Variants in GALNTL6 observed in about 807,000 individuals in gnomAD.
GALNTL6 encodes polypeptide N-acetylgalactosaminyltransferase like 6.
A neutral mutation model predicts 73.7 loss-of-function variants in GALNTL6; 46 were observed. The observed-to-expected ratio is 0.62, with a 90% CI of 0.49 to 0.80. The LOEUF (loss-of-function observed/expected upper bound fraction) is 0.80, where lower values mean the gene tolerates loss of function less well. Among genes scored for constraint, GALNTL6 ranks in the 30% least tolerant of loss-of-function variants. GALNTL6 has a pLI of 0.00. For synonymous variants in GALNTL6, 259 were observed against 263.7 expected (o/e 0.98, Z 0.17); for missense variants, 604 against 755.0 (o/e 0.80, Z 2.34).
intron 2 of GALNTL6, among the ~76,000 whole-genome samples, chr4:172,126,081 T>G (rs1579162900): frequency 1.3e-5 from 2 of 152,168 alleles, no homozygotes; most frequent in South Asian, 4.1e-4. Context: ...AATTTTGCAC[T>G]GTGTCACTTA....
chr4:172,017,310 G>A (rs1388458795), intron 2 of GALNTL6, among the ~76,000 whole-genome samples: 4 of 152,112 alleles, frequency 2.6e-5, no homozygotes, highest in African/African-American at 9.7e-5. Flanking sequence ...GATCAGACAG[G>A]CACTTCTTTT....
At chr4:172,737,068 T>C (rs891601062) in intron 5 of GALNTL6, among the ~76,000 whole-genome samples, 1 of 152,176 alleles carries the variant, frequency 6.6e-6, no homozygotes, top group East Asian at 1.9e-4. Flanking sequence ...ATTATCAGTA[T>C]AAAAAAGGAC....
intron 12 of GALNTL6, among the ~76,000 whole-genome samples, chr4:173,023,491 G>A (rs905347616): frequency 1.3e-5 from 2 of 151,922 alleles, no homozygotes; most frequent in South Asian, 2.1e-4. Flanking sequence ...ACCCCATCTG[G>A]ACTAAAAAAT....
intron 5 of GALNTL6, among the ~76,000 whole-genome samples, chr4:172,440,267 A>G (rs1289587243): frequency 3.9e-5 from 6 of 152,084 alleles, no homozygotes. Flanking sequence ...TGGATAAACT[A>G]TGGTACATCC....
chr4:172,701,263 A>G (rs529398684), intron 5 of GALNTL6, among the ~76,000 whole-genome samples: 181 of 152,256 alleles, frequency 1.2e-3, no homozygotes, highest in Non-Finnish European at 2.1e-3. Flanking sequence ...AGATATTTAC[A>G]TATCTATGAA....
intron 4 of GALNTL6, among the ~76,000 whole-genome samples, chr4:172,320,255 C>A (rs1351432120): frequency 6.6e-6 from 1 of 152,036 alleles, no homozygotes; most frequent in African/African-American, 2.4e-5. Flanking sequence ...GTGAGTGATG[C>A]AAGCAGAGAG....
intron 10 of GALNTL6, among the ~76,000 whole-genome samples, chr4:172,986,747 G>A (rs1751306681): frequency 6.6e-6 from 1 of 152,176 alleles, no homozygotes; most frequent in African/African-American, 2.4e-5. Context: ...AAAGGTTAAT[G>A]TTAGGCACAA....
At chr4:172,349,830 A>ATAT (rs112952872) in intron 5 of GALNTL6, among the ~76,000 whole-genome samples, 93 of 99,534 alleles carry the variant, frequency 9.3e-4, no homozygotes, top group Admixed American at 7.4e-3. Context: ...ATTAAAAAAA[A>ATAT]ATATATATAT....
At chr4:172,574,276 G>A (rs1362011094) in intron 5 of GALNTL6, among the ~76,000 whole-genome samples, 1 of 152,018 alleles carries the variant, frequency 6.6e-6, no homozygotes, top group East Asian at 1.9e-4. Context: ...AATGTATTTT[G>A]TAAATGTAGT....
At position 172,500,037 on chromosome 4, in the gene GALNTL6, G is replaced by A. The variant is rs139437357; in HGVS notation, c.553+151348G>A. Among the ~76,000 whole-genome samples the A allele has an allele frequency of 3.7e-4, 56 of 151,988 alleles. 3 individuals carry two copies. In the East Asian group the frequency reaches 0.011, roughly 29 times the overall value. On this transcript the variant is annotated intron_variant, in intron 5 of 12. Coordinates refer to ENST00000506823, the MANE Select transcript of GALNTL6 (RefSeq NM_001034845.3). ...AAAATAGCTGAAAAATTTATAAATG[G>A]GTCAAAATATATAAACTTACAGGAA...
chr4:173,000,418 A>C (rs1162499868), intron 10 of GALNTL6, among the ~76,000 whole-genome samples: 2 of 152,224 alleles, frequency 1.3e-5, no homozygotes, highest in African/African-American at 4.8e-5. Context: ...ATATCTAAAT[A>C]AATGGAAAAA....
In GALNTL6 at chr4:172,895,289, C is replaced by CTGTG. The variant is rs768141556; in HGVS notation, c.1041+12383_1041+12384insGTGT. On this transcript the variant is annotated intron_variant, in intron 8 of 12. Transcript: ENST00000506823. ...TTTTCCCTTCTTCCATTTTTCCTGTCTTTGTGGTTAAGTGATTTGCTCTGA... is the reference window on the plus strand; with the variant it reads ...TTTTCCCTTCTTCCATTTTTCCTGTCTGTGTTTGTGGTTAAGTGATTTGCTCTGA... Among the ~76,000 whole-genome samples the CTGTG allele has an allele frequency of 1.6e-3, 245 of 149,566 alleles. 1 individual carries two copies. Among genetic ancestry groups the CTGTG allele is most frequent in the Non-Finnish European group, 2.8e-3 (189 of 67,210 alleles).
chr4:172,424,306 T>G (rs1278175069), intron 5 of GALNTL6, among the ~76,000 whole-genome samples: 1 of 152,146 alleles, frequency 6.6e-6, no homozygotes, highest in African/African-American at 2.4e-5. Flanking sequence ...TCATGAGACT[T>G]TCTTTCATAA....
intron 2 of GALNTL6, among the ~76,000 whole-genome samples, chr4:171,854,229 C>T (rs1329917901): frequency 6.6e-6 from 1 of 152,158 alleles, no homozygotes; most frequent in African/African-American, 2.4e-5. Context: ...CTGCTGCACC[C>T]ATCCTTTCTC....
chr4:172,150,804 CCT>C (rs1357063541), intron 2 of GALNTL6, among the ~76,000 whole-genome samples: 18 of 152,004 alleles, frequency 1.2e-4, no homozygotes, highest in African/African-American at 4.3e-4. Context: ...AGCATACTCA[CCT>C]AATAATTTTA....
At chr4:173,022,620 G>A (rs1192005516) in intron 12 of GALNTL6, among the ~76,000 whole-genome samples, 1 of 152,190 alleles carries the variant, frequency 6.6e-6, no homozygotes, top group East Asian at 1.9e-4. Flanking sequence ...ATACATCTAT[G>A]TAGATATAAT....
chr4:172,577,081 G>C (rs1736983982), intron 5 of GALNTL6, among the ~76,000 whole-genome samples: 1 of 152,160 alleles, frequency 6.6e-6, no homozygotes, highest in Admixed American at 6.5e-5. Context: ...ACCATAGGGA[G>C]CCTTCCTTCC....
chr4:172,355,583 G>A (rs750925523), intron 5 of GALNTL6, among the ~76,000 whole-genome samples: 8 of 152,012 alleles, frequency 5.3e-5, no homozygotes, highest in Non-Finnish European at 1.0e-4. Context: ...ATTGTAAAAG[G>A]TATGATGAGT....
At chr4:172,867,082 A>G (rs775924306) in intron 7 of GALNTL6, among the ~76,000 whole-genome samples, 2 of 152,198 alleles carry the variant, frequency 1.3e-5, no homozygotes, top group Non-Finnish European at 2.9e-5. Flanking sequence ...ATCTGGAAGA[A>G]ATGGAATTTT....
Sources: gnomAD v4.1 joint callset for allele counts (sites outside exome capture counted in the v4.1 genomes callset) on GRCh38, gnomAD v4.1.1 for gene constraint, MANE v1.5 for transcripts, NCBI Gene and HGNC (gene_info 2026-07-23, HGNC 2026-07-21) for gene names.